Variants in PLCB1 observed in about 807,000 individuals in gnomAD.
PLCB1 encodes the protein phospholipase C beta 1.
Under a neutral mutation model 161.8 loss-of-function variants are expected in PLCB1, and 46 were observed. The ratio of observed to expected loss-of-function variants is 0.28; its 90% CI spans 0.22 to 0.36. The LOEUF is 0.36. Among genes scored for constraint, PLCB1 ranks in the 10% least tolerant of loss-of-function variants. PLCB1 has a pLI of 1.00. For missense variants in PLCB1, 1,016 were observed against 1,472.5 expected (o/e 0.69, Z 5.07); for synonymous variants, 517 against 503.7 (o/e 1.03, Z -0.35).
intron 31 of PLCB1, among the ~76,000 whole-genome samples, chr20:8,793,354 G>A (rs1983859237): frequency 6.6e-6 from 1 of 152,166 alleles, no homozygotes; most frequent in Admixed American, 6.5e-5. Context: ...GGTTACTGAG[G>A]AGAATAGAGT....
intron 23 of PLCB1, among the ~76,000 whole-genome samples, chr20:8,752,593 G>T (rs1382197437): frequency 6.6e-6 from 1 of 152,014 alleles, no homozygotes; most frequent in Non-Finnish European, 1.5e-5. Flanking sequence ...AGGAGTTCGA[G>T]ACCAGCCTGG....
intron 23 of PLCB1, among the ~76,000 whole-genome samples, chr20:8,743,415 G>A (rs548589305): frequency 1.3e-3 from 192 of 152,224 alleles, no homozygotes; most frequent in Non-Finnish European, 2.0e-3. Flanking sequence ...TCCCACTTGG[G>A]AGAATCATAG....
intron 10 of PLCB1, among the ~76,000 whole-genome samples, chr20:8,695,337 CA>C (rs1990561564): frequency 6.6e-6 from 1 of 152,168 alleles, no homozygotes; most frequent in South Asian, 2.1e-4. Flanking sequence ...CTCCACGGGG[CA>C]CATCTTGTCC....
At chr20:8,190,101 AC>A (rs1357405509) in intron 2 of PLCB1, among the ~76,000 whole-genome samples, 1 of 152,046 alleles carries the variant, frequency 6.6e-6, no homozygotes, top group Admixed American at 6.6e-5. Flanking sequence ...CCATACCAAC[AC>A]CTAAAGACAG....
intron 3 of PLCB1, among the ~76,000 whole-genome samples, chr20:8,541,319 C>G (rs1985306100): frequency 6.6e-6 from 1 of 152,130 alleles, no homozygotes; most frequent in South Asian, 2.1e-4. Flanking sequence ...CTTCCACAGG[C>G]AGAAGAGAGC....
intron 3 of PLCB1, among the ~76,000 whole-genome samples, chr20:8,610,531 T>C (rs910396966): frequency 1.4e-4 from 22 of 152,214 alleles, no homozygotes. Context: ...ATGATGGCTG[T>C]GTTTAACATC....
intron 23 of PLCB1, chr20:8,750,953 T>TTTTA (rs1981435750): frequency 2.4e-6 from 2 of 849,578 alleles, no homozygotes; most frequent in African/African-American, 1.9e-5. Context: ...TTTTTTTTTT[T>TTTTA]GAGACGGAGT....
intron 2 of PLCB1, among the ~76,000 whole-genome samples, chr20:8,315,293 A>G (rs1984592705): frequency 6.6e-6 from 1 of 152,064 alleles, no homozygotes; most frequent in Non-Finnish European, 1.5e-5. Flanking sequence ...GCCACCAAAA[A>G]AGTGACAAAG....
intron 3 of PLCB1, among the ~76,000 whole-genome samples, chr20:8,518,989 A>G (rs558349004): frequency 3.8e-4 from 58 of 152,198 alleles, no homozygotes; most frequent in African/African-American, 1.3e-3. Flanking sequence ...CCAATCTGAC[A>G]GGAGGCAGAG....
intron 3 of PLCB1, among the ~76,000 whole-genome samples, chr20:8,548,264 T>G (rs1278785665): frequency 1.3e-5 from 2 of 148,388 alleles, no homozygotes; most frequent in Non-Finnish European, 3.0e-5. Flanking sequence ...CACCCTTCCT[T>G]CCTTCTTTCA....
chr20:8,696,060 A>T (rs1011289415), intron 10 of PLCB1, among the ~76,000 whole-genome samples: 1 of 152,186 alleles, frequency 6.6e-6, no homozygotes, highest in Non-Finnish European at 1.5e-5. Context: ...TTGGTGTTGT[A>T]TCTACAAAAC....
At chr20:8,310,137 A>G (rs1378674194) in intron 2 of PLCB1, among the ~76,000 whole-genome samples, 1 of 152,104 alleles carries the variant, frequency 6.6e-6, no homozygotes, top group Non-Finnish European at 1.5e-5. Context: ...GTTTACCTTC[A>G]GAGCTTTTGT....
At chr20:8,144,264 T>C (rs2051431871) in intron 1 of PLCB1, among the ~76,000 whole-genome samples, 1 of 152,198 alleles carries the variant, frequency 6.6e-6, no homozygotes, top group African/African-American at 2.4e-5. Context: ...TTGGTTTTTC[T>C]CATCTGATGC....
At chr20:8,627,743 C>T (rs1419435743) in intron 3 of PLCB1, among the ~76,000 whole-genome samples, 1 of 152,238 alleles carries the variant, frequency 6.6e-6, no homozygotes, top group Non-Finnish European at 1.5e-5. Context: ...AATCCCAGTA[C>T]ATTCCGAGGA....
chr20:8,289,054 G>A (rs1475220949), intron 2 of PLCB1, among the ~76,000 whole-genome samples: 1 of 152,110 alleles, frequency 6.6e-6, no homozygotes, highest in Non-Finnish European at 1.5e-5. Flanking sequence ...TCTGTGTCAT[G>A]CCCAACTGTA....
At chr20:8,184,518 T>G (rs2051879617) in intron 2 of PLCB1, among the ~76,000 whole-genome samples, 1 of 152,000 alleles carries the variant, frequency 6.6e-6, no homozygotes, top group South Asian at 2.1e-4. Flanking sequence ...ATTTGTTAGT[T>G]ATATTATTTT....
chr20:8,406,048 C>T (rs913269589), intron 3 of PLCB1, among the ~76,000 whole-genome samples: 1 of 151,318 alleles, frequency 6.6e-6, no homozygotes, highest in African/African-American at 2.4e-5. Flanking sequence ...TTAACATTTA[C>T]CAGCCCATCA....
intron 2 of PLCB1, among the ~76,000 whole-genome samples, chr20:8,168,220 C>T (rs548137624): frequency 6.6e-6 from 1 of 152,270 alleles, no homozygotes; most frequent in South Asian, 2.1e-4. Context: ...TCTGAAAAGT[C>T]ACACTGCAAA....
chr20:8,699,995 C>T (rs1990663652), intron 11 of PLCB1, among the ~76,000 whole-genome samples: 1 of 152,194 alleles, frequency 6.6e-6, no homozygotes, highest in South Asian at 2.1e-4. Context: ...TCCATAGTCC[C>T]ACTTCTTCCC....
Sources: gnomAD v4.1 joint callset for allele counts (sites outside exome capture counted in the v4.1 genomes callset) on GRCh38, gnomAD v4.1.1 for gene constraint, MANE v1.5 for transcripts, NCBI Gene and HGNC (gene_info 2026-07-23, HGNC 2026-07-21) for gene names.